The following CPNE5 variants were observed in gnomAD, a reference collection of about 807,000 sequenced individuals.
CPNE5 encodes the protein copine 5.
A neutral mutation model predicts 81.1 loss-of-function variants in CPNE5; 42 were observed. The observed-to-expected ratio is 0.52, with a 90% CI of 0.40 to 0.67. CPNE5 has a LOEUF of 0.67. Ranked by LOEUF, CPNE5 falls within the 30% of genes least tolerant of loss-of-function variation. The pLI is 0.00. For synonymous variants in CPNE5, 313 were observed against 321.5 expected (o/e 0.97, Z 0.28); for missense variants, 612 against 815.5 (o/e 0.75, Z 3.04).
At chr6:36,777,766 C>CCACACA (rs34423091) in intron 9 of CPNE5, among the ~76,000 whole-genome samples, 195 of 109,488 alleles carry the variant, frequency 1.8e-3, no homozygotes, top group African/African-American at 6.9e-3. Context: ...CCCCCCCCCA[C>CCACACA]CACACACACA....
intron 3 of CPNE5, among the ~76,000 whole-genome samples, chr6:36,819,149 C>G (rs1015063734): frequency 3.3e-5 from 5 of 152,256 alleles, no homozygotes; most frequent in African/African-American, 1.2e-4. Flanking sequence ...GTCAACCAGG[C>G]TGGAGTGCAG....
intron 12 of CPNE5, among the ~76,000 whole-genome samples, chr6:36,759,977 C>G: frequency 6.7e-6 from 1 of 149,180 alleles, no homozygotes; most frequent in East Asian, 2.1e-4. Context: ...AAGGCCGAGG[C>G]GGGTGCATCA....
At chr6:36,815,871 C>T (rs35158499) in intron 3 of CPNE5, among the ~76,000 whole-genome samples, 6,364 of 152,278 alleles carry the variant, frequency 0.042, 174 homozygotes, top group Non-Finnish European at 0.064. Flanking sequence ...TGGTATGGGG[C>T]GATCTGCTGG....
At chr6:36,782,863 A>ACACAC (rs1768163403) in intron 8 of CPNE5, among the ~76,000 whole-genome samples, 1 of 147,966 alleles carries the variant, frequency 6.8e-6, no homozygotes, top group Non-Finnish European at 1.5e-5. Context: ...ACACACACAC[A>ACACAC]CACACAAAAC....
Position 36,742,229 on chromosome 6 carries a change from C to G in CPNE5, c.*39G>C, listed in dbSNP as rs201999350. On this transcript the variant is annotated 3_prime_UTR_variant, in exon 21 of 21. Transcript: ENST00000244751. ...GGCCCTGGCCTCCCATTCACCTGGC[C>G]TCTCCCAGGCCCCAGCCACCTGCCT... 3.3e-5 allele frequency: 49 copies of G among 1,475,934 alleles called. 1 individual carries two copies. The highest frequency in any genetic ancestry group is 2.2e-4 in the Admixed American group (12 of 55,128). The allele number at this position is 1,475,934 out of a possible 1,614,324, so 91.4% of individuals were successfully genotyped here.
chr6:36,799,560 G>A lies in CPNE5; in HGVS notation c.287+407C>T, dbSNP rs994860626. Among the ~76,000 whole-genome samples the A allele has an allele frequency of 5.3e-5, 8 of 152,146 alleles. No homozygotes were observed. In the South Asian group the frequency reaches 8.3e-4, roughly 16 times the overall value. ...CATCAGCCAGGCCACCTCTGCAGGCGGGGAGGCTGCAGGGACCCTCTCCCA... is the reference window on the plus strand; with the variant it reads ...CATCAGCCAGGCCACCTCTGCAGGCAGGGAGGCTGCAGGGACCCTCTCCCA... On this transcript the variant is annotated intron_variant, in intron 4 of 20. Transcript: ENST00000244751.
At chr6:36,789,242 G>A (rs906323274) in intron 8 of CPNE5, among the ~76,000 whole-genome samples, 1 of 152,168 alleles carries the variant, frequency 6.6e-6, no homozygotes, top group African/African-American at 2.4e-5. Flanking sequence ...TGCTGGAACA[G>A]CTTAAATCAA....
chr6:36,799,289 A>G (rs1286576335), intron 4 of CPNE5, among the ~76,000 whole-genome samples: 1 of 152,030 alleles, frequency 6.6e-6, no homozygotes, highest in Middle Eastern at 3.2e-3. Flanking sequence ...AATACCTCCC[A>G]TCTCTCCCTC....
Position 36,792,064 on chromosome 6 carries a change from A to G in CPNE5, c.497T>C (p.Ile166Thr). 1 of 1,614,060 alleles carries G rather than the reference A, an allele frequency of 6.2e-7. No homozygotes were observed. Among genetic ancestry groups the G allele is most frequent in the Middle Eastern group, 1.7e-4 (1 of 6,060 alleles). The change falls in exon 8 of 21, where the codon ATC becomes ACC. Residue 166 changes from isoleucine to threonine, a missense_variant. Transcript: ENST00000244751. ...GVPGKKCGTI[I>T]LSAEELSNCR... Reference sequence around the variant, plus strand: ...GTTGCTGAGCTCCTCAGCGGACAGGATGATGGTGCCACATTTCTTTCCTGG... The same window carrying G: ...GTTGCTGAGCTCCTCAGCGGACAGGGTGATGGTGCCACATTTCTTTCCTGG...
intron 3 of CPNE5, among the ~76,000 whole-genome samples, chr6:36,804,167 ATATC>A (rs1274563292): frequency 6.6e-6 from 1 of 152,232 alleles, no homozygotes; most frequent in African/African-American, 2.4e-5. Context: ...AAACCCAGGT[ATATC>A]TAACTCCAAA....
chr6:36,743,337 G>T, intron 20 of CPNE5: 1 of 665,876 alleles, frequency 1.5e-6, no homozygotes, highest in Non-Finnish European at 1.9e-6. Context: ...GGAGAAGGCT[G>T]CAGCAACACT....
chr6:36,754,869 C>T (rs1765254690), intron 13 of CPNE5: 1 of 152,194 alleles, frequency 6.6e-6, no homozygotes, highest in Non-Finnish European at 1.5e-5. Flanking sequence ...TGGGGCTCTA[C>T]TGGTAGCTAT....
intron 1 of CPNE5, among the ~76,000 whole-genome samples, chr6:36,838,315 TG>T (rs1388799638): frequency 5.3e-5 from 8 of 152,176 alleles, no homozygotes; most frequent in African/African-American, 1.9e-4. Flanking sequence ...GTCGGTGATC[TG>T]GGGCAGGGGG....
At chr6:36,793,906 C>T (rs190692622) in intron 7 of CPNE5, among the ~76,000 whole-genome samples, 21 of 152,334 alleles carry the variant, frequency 1.4e-4, no homozygotes, top group Non-Finnish European at 2.5e-4. Flanking sequence ...ACCCCCACCT[C>T]CAGCCCCAGT....
chr6:36,751,026 C>T (rs897009129), intron 14 of CPNE5, among the ~76,000 whole-genome samples: 1 of 152,216 alleles, frequency 6.6e-6, no homozygotes, highest in African/African-American at 2.4e-5. Context: ...GTACCCATAC[C>T]CTTCCTCCTG....
chr6:36,776,232 C>G (rs1767488238), intron 9 of CPNE5, among the ~76,000 whole-genome samples: 1 of 152,242 alleles, frequency 6.6e-6, no homozygotes, highest in Non-Finnish European at 1.5e-5. Flanking sequence ...AGCTACATCT[C>G]TGGTTAGAAA....
intron 3 of CPNE5, among the ~76,000 whole-genome samples, chr6:36,811,043 T>C (rs1771053316): frequency 6.6e-6 from 1 of 152,216 alleles, no homozygotes; most frequent in African/African-American, 2.4e-5. Flanking sequence ...TAATTAGCCA[T>C]TGTTTCAGAT....
intron 3 of CPNE5, among the ~76,000 whole-genome samples, chr6:36,819,352 T>C (rs236383): frequency 0.59 from 89,322 of 152,230 alleles, 27,076 homozygotes; most frequent in African/African-American, 0.73. Context: ...TGCCTGCCTC[T>C]GCCTCCCACA....
chr6:36,780,791 A>T (rs1408065870), intron 8 of CPNE5, among the ~76,000 whole-genome samples: 2 of 152,174 alleles, frequency 1.3e-5, no homozygotes, highest in African/African-American at 4.8e-5. Context: ...TCTGTGTAGG[A>T]CAGTCACTGA....
Sources: allele counts gnomAD v4.1 joint callset (sites outside exome capture counted in the v4.1 genomes callset), GRCh38; gene constraint gnomAD v4.1.1; transcripts MANE v1.5; gene names NCBI Gene and HGNC (gene_info 2026-07-23, HGNC 2026-07-21).